TTC7A: variants seen among roughly 807,000 people sequenced by gnomAD.
TTC7A encodes tetratricopeptide repeat protein 7A.
In TTC7A, 110 loss-of-function variants were observed where a neutral mutation model predicts 103.7. That is an observed-to-expected ratio of 1.06 (90% CI 0.91 to 1.24). The LOEUF (loss-of-function observed/expected upper bound fraction) is 1.24, where lower values mean the gene tolerates loss of function less well. Among genes scored for constraint, TTC7A ranks in the 50% most tolerant of loss-of-function variants. The pLI is 0.00. For missense variants in TTC7A, 1,340 were observed against 1,116.3 expected (o/e 1.20, Z -2.86); for synonymous variants, 521 against 467.9 (o/e 1.11, Z -1.47).
chr2:47,024,719 A>G (rs1558593310), intron 14 of TTC7A, among the ~76,000 whole-genome samples: 1 of 151,990 alleles, frequency 6.6e-6, no homozygotes, highest in South Asian at 2.1e-4. Context: ...GGGCAGGCTC[A>G]TGGAGCTGTT....
At chr2:47,057,413 G>A (rs972566949) in intron 18 of TTC7A, among the ~76,000 whole-genome samples, 1 of 152,214 alleles carries the variant, frequency 6.6e-6, no homozygotes, top group African/African-American at 2.4e-5. Flanking sequence ...CTGGCCTCTG[G>A]AAGAACCAGG....
intron 19 of TTC7A, among the ~76,000 whole-genome samples, chr2:47,062,165 A>G (rs913136492): frequency 6.6e-6 from 1 of 152,248 alleles, no homozygotes; most frequent in African/African-American, 2.4e-5. Context: ...GTCTAGGCAC[A>G]TACTCAGTAA....
At chr2:47,063,199 C>T (rs1024217873) in intron 19 of TTC7A, among the ~76,000 whole-genome samples, 1 of 152,218 alleles carries the variant, frequency 6.6e-6, no homozygotes, top group Non-Finnish European at 1.5e-5. Context: ...TAGGAAAAGA[C>T]ACATTTAACT....
Position 46,974,839 on chromosome 2 carries a change from C to T in TTC7A, c.518-134C>T, listed in dbSNP as rs73926323. ...TCGCTTCAGCTTCCTCCCTCCCCTC[C>T]GCAGACCTCCGCCTCCTCCTGGCTG... On this transcript the variant is annotated intron_variant, in intron 3 of 19. Coordinates refer to ENST00000319190, the MANE Select transcript of TTC7A (RefSeq NM_020458.4). The T allele has an allele frequency of 1.2e-3, 1,531 of 1,285,450 alleles. 13 individuals are homozygous for T. The African/African-American group carries it at 0.018, about 15-fold the overall frequency. The allele number at this position is 1,285,450 out of a possible 1,614,324, so 79.6% of individuals were successfully genotyped here.
At chr2:46,942,539 G>A (rs1383973134) in intron 1 of TTC7A, among the ~76,000 whole-genome samples, 1 of 152,326 alleles carries the variant, frequency 6.6e-6, no homozygotes, top group African/African-American at 2.4e-5. Context: ...GGGACAGATC[G>A]TGATAGTAAT....
In TTC7A at chr2:47,074,283, A is replaced by G. The variant is rs1486688342; in HGVS notation, c.*360A>G. The G allele has an allele frequency of 8.2e-5, 26 of 316,796 alleles. No individual in the cohort carries two copies. The highest frequency in any genetic ancestry group is 6.0e-6 in the Non-Finnish European group (1 of 166,016). 19.6% of individuals were successfully genotyped at this position (316,796 alleles called of 1,614,324 possible). On this transcript the variant is annotated 3_prime_UTR_variant, in exon 20 of 20. Transcript: ENST00000319190. ...GGGGTTCTCACTCCCCACTCTCAGC[A>G]CAGTACAGACTTCTGGATCTCTCTC... is the stretch of plus-strand genomic sequence containing the variant.
intron 2 of TTC7A, among the ~76,000 whole-genome samples, chr2:46,934,610 A>G (rs752037998): frequency 3.3e-5 from 5 of 151,776 alleles, no homozygotes; most frequent in Non-Finnish European, 7.4e-5. Context: ...ACTGCTTTTT[A>G]TTCTCTAAAA....
chr2:46,983,435 C>T (rs543037655), intron 5 of TTC7A, among the ~76,000 whole-genome samples: 1 of 152,214 alleles, frequency 6.6e-6, no homozygotes, highest in Non-Finnish European at 1.5e-5. Flanking sequence ...TGGAGATCAC[C>T]ACTCCCCCAC....
intron 1 of TTC7A, among the ~76,000 whole-genome samples, chr2:46,946,861 T>C (rs762282127): frequency 2.6e-5 from 4 of 152,040 alleles, no homozygotes; most frequent in African/African-American, 4.8e-5. Flanking sequence ...AGAGGAGAGT[T>C]GAGCAAAGGA....
chr2:47,018,809 T>G (rs1678972777), intron 11 of TTC7A, among the ~76,000 whole-genome samples: 1 of 152,112 alleles, frequency 6.6e-6, no homozygotes, highest in Non-Finnish European at 1.5e-5. Context: ...GAGACACTAT[T>G]GTTATCCCTG....
chr2:47,075,577 A>C lies in TTC7A; in HGVS notation c.*1654A>C, dbSNP rs2103692322. ...AGCAGGCTTGTCTGAAGCAGCATGTATATTCACTGGGCATGTAGCTCCCAC... is the reference window on the plus strand; with the variant it reads ...AGCAGGCTTGTCTGAAGCAGCATGTCTATTCACTGGGCATGTAGCTCCCAC... On this transcript the variant is annotated 3_prime_UTR_variant, in exon 20 of 20. Coordinates refer to ENST00000319190, the MANE Select transcript of TTC7A (RefSeq NM_020458.4). 6.6e-6 allele frequency: 1 copy of C among 152,340 alleles called. No homozygotes were observed. Among genetic ancestry groups the C allele is most frequent in the South Asian group, 2.1e-4 (1 of 4,832 alleles). The allele number at this position is 152,340 out of a possible 1,614,324, so 9.4% of individuals were successfully genotyped here. A position where few individuals can be genotyped will look rare whatever the true frequency, so the allele number is the denominator to read the frequency against.
chr2:47,027,481 G>A (rs1377885225), intron 14 of TTC7A, among the ~76,000 whole-genome samples: 1 of 152,238 alleles, frequency 6.6e-6, no homozygotes, highest in Non-Finnish European at 1.5e-5. Flanking sequence ...AGGGATAGAA[G>A]ATAGCATTTT....
chr2:47,069,646 G>A (rs899435092), intron 19 of TTC7A, among the ~76,000 whole-genome samples: 1 of 152,228 alleles, frequency 6.6e-6, no homozygotes, highest in African/African-American at 2.4e-5. Context: ...TTTTCAGCCT[G>A]GAGAGGCGCC....
intron 11 of TTC7A, among the ~76,000 whole-genome samples, chr2:47,017,387 G>C (rs1678784352): frequency 6.6e-6 from 1 of 151,144 alleles, no homozygotes; most frequent in African/African-American, 2.4e-5. Flanking sequence ...AAGGTAAAAA[G>C]TCAGCCTGGT....
chr2:46,953,238 G>A (rs1671559514), intron 2 of TTC7A, among the ~76,000 whole-genome samples: 1 of 152,080 alleles, frequency 6.6e-6, no homozygotes, highest in Non-Finnish European at 1.5e-5. Context: ...ACTGCAGACT[G>A]GACCTCCTGG....
intron 15 of TTC7A, among the ~76,000 whole-genome samples, chr2:47,029,908 TGCACTTGGCCTAAGTGGTG>T (rs1269528757): frequency 6.6e-6 from 1 of 152,196 alleles, no homozygotes; most frequent in African/African-American, 2.4e-5. Context: ...GGGTTTAAGT[TGCACTTGGCCTAAGTGGTG>T]GTAGGACACA....
rs548595191 is a variant in TTC7A at position 47,041,861 on chromosome 2, C to G, written c.1803-4454C>G. Among the ~76,000 whole-genome samples, 212 of 152,026 alleles carry G rather than the reference C, an allele frequency of 1.4e-3. 1 individual carries two copies. Among genetic ancestry groups the G allele is most frequent in the African/African-American group, 4.9e-3 (202 of 41,434 alleles). On this transcript the variant is annotated intron_variant, in intron 15 of 19. Coordinates refer to ENST00000319190, the MANE Select transcript of TTC7A (RefSeq NM_020458.4). ...GGAAGGGAAAATGGCTTCCCTCCACCCTTCTAGGGAGGAGGGCTTTGGCTG... is the reference window on the plus strand; with the variant it reads ...GGAAGGGAAAATGGCTTCCCTCCACGCTTCTAGGGAGGAGGGCTTTGGCTG...
chr2:47,041,749 G>T (rs1256041316), intron 15 of TTC7A, among the ~76,000 whole-genome samples: 2 of 140,098 alleles, frequency 1.4e-5, no homozygotes, highest in Middle Eastern at 3.6e-3. Flanking sequence ...GCAAAACTCC[G>T]TCTCAAAAAA....
chr2:46,967,932 T>C (rs1673000519), intron 3 of TTC7A, among the ~76,000 whole-genome samples: 9 of 151,640 alleles, frequency 5.9e-5, no homozygotes, highest in Admixed American at 5.9e-4. Flanking sequence ...GGCTGCAGGG[T>C]ACCCAAGTCT....
Sources: allele counts gnomAD v4.1 joint callset (sites outside exome capture counted in the v4.1 genomes callset), GRCh38; gene constraint gnomAD v4.1.1; transcripts MANE v1.5; gene names NCBI Gene and HGNC (gene_info 2026-07-23, HGNC 2026-07-21).